XYLB: variants seen among roughly 807,000 people sequenced by gnomAD.
The protein encoded by XYLB is xylulokinase.
A neutral mutation model predicts 78.7 loss-of-function variants in XYLB; 62 were observed. The observed-to-expected ratio is 0.79, with a 90% CI of 0.64 to 0.97. The LOEUF is 0.97. Among genes scored for constraint, XYLB ranks in the 50% least tolerant of loss-of-function variants. The pLI is 0.00. For synonymous variants in XYLB, 245 were observed against 247.4 expected, an observed-to-expected ratio of 0.99 and a Z score of 0.09; for missense variants, 687 against 676.8, an observed-to-expected ratio of 1.02 and a Z score of -0.17.
At position 38,374,466 on chromosome 3, in the gene XYLB, G is replaced by T. The variant is rs376159567; in HGVS notation, c.852G>T (p.Ser284=). 1 of 1,614,052 alleles carries T rather than the reference G, an allele frequency of 6.2e-7. No individual in the cohort carries two copies. Among genetic ancestry groups the T allele is most frequent in the African/African-American group, 1.3e-5 (1 of 75,042 alleles). Residue 284 remains serine, a synonymous_variant, in exon 11 of 19, where the codon TCG becomes TCT. Coordinates refer to ENST00000207870, the MANE Select transcript of XYLB (RefSeq NM_005108.4). ...AAGCTCCCCTCCCATTCTCAGCGTC[G>T]CTGGCAGGCATGAGACTGGAGGAAG... ...VVAFTGDNPA[S]LAGMRLEEGD...
the XYLB span, among the ~76,000 whole-genome samples, chr3:38,427,951 T>G: frequency 2.0e-5 from 3 of 152,232 alleles, no homozygotes; most frequent in Non-Finnish European, 4.4e-5. Context: ...CATTTCCTCT[T>G]TACTAACATA....
intron 18 of XYLB, among the ~76,000 whole-genome samples, chr3:38,405,318 C>G (rs1309727347): frequency 2.0e-5 from 3 of 147,240 alleles, no homozygotes. Flanking sequence ...GGGAGGATCA[C>G]TTGAGGCCAG....
At chr3:38,440,212 A>G in the XYLB span, among the ~76,000 whole-genome samples, 1 of 152,240 alleles carries the variant, frequency 6.6e-6, no homozygotes, top group Non-Finnish European at 1.5e-5. Context: ...AATACATGTT[A>G]CACTGTTAAC....
intron 2 of XYLB, chr3:38,355,707 C>A (rs1705609067): frequency 2.8e-6 from 2 of 703,200 alleles, no homozygotes; most frequent in Non-Finnish European, 5.2e-6. Flanking sequence ...CCTTCTCTGA[C>A]TTTTCTCCCA....
At chr3:38,355,930 ATT>A (rs1705622290) in intron 2 of XYLB, 1 of 610,940 alleles carries the variant, frequency 1.6e-6, no homozygotes, top group Admixed American at 2.8e-5. Context: ...AACTAATATA[ATT>A]TTTTCCCTCA....
At chr3:38,419,604 A>ATATATATATATATTTATC (rs1559628830), downstream of XYLB, among the ~76,000 whole-genome samples, 1 of 107,286 alleles carries the variant, frequency 9.3e-6, no homozygotes, top group African/African-American at 3.1e-5. Flanking sequence ...ATATATATAT[A>ATATATATATATATTTATC]ATAGCCATCG....
intron 4 of XYLB, among the ~76,000 whole-genome samples, chr3:38,364,069 C>A (rs1456268784): frequency 6.6e-6 from 1 of 152,092 alleles, no homozygotes; most frequent in Non-Finnish European, 1.5e-5. Context: ...TAATCCCCGA[C>A]CCCCATGGCT....
At chr3:38,381,492 A>C (rs1707143227) in intron 15 of XYLB, among the ~76,000 whole-genome samples, 1 of 152,244 alleles carries the variant, frequency 6.6e-6, no homozygotes, top group South Asian at 2.1e-4. Flanking sequence ...GATAACCTTA[A>C]ACTCTGACTG....
chr3:38,398,207 T>C (rs1461457126), intron 17 of XYLB, among the ~76,000 whole-genome samples: 2 of 151,814 alleles, frequency 1.3e-5, no homozygotes, highest in Non-Finnish European at 2.9e-5. Flanking sequence ...TGGTGGCTCA[T>C]GCCTGTAATT....
chr3:38,348,008 C>T (rs1157966772), intron 1 of XYLB, among the ~76,000 whole-genome samples: 1 of 152,226 alleles, frequency 6.6e-6, no homozygotes, highest in Non-Finnish European at 1.5e-5. Flanking sequence ...ACTCGAGTTG[C>T]CTTGCTGGAC....
intron 15 of XYLB, among the ~76,000 whole-genome samples, chr3:38,392,006 C>T (rs1435196186): frequency 6.6e-6 from 1 of 152,156 alleles, no homozygotes; most frequent in Non-Finnish European, 1.5e-5. Context: ...CCCATGCACC[C>T]TCCCCAGCTA....
the XYLB span, among the ~76,000 whole-genome samples, chr3:38,442,252 T>C: frequency 8.5e-5 from 13 of 152,204 alleles, no homozygotes; most frequent in Admixed American, 4.6e-4. Context: ...TTAAATGCTT[T>C]GTACCCTTGA....
the XYLB span, among the ~76,000 whole-genome samples, chr3:38,445,812 T>C: frequency 3.9e-5 from 6 of 152,230 alleles, no homozygotes; most frequent in Admixed American, 3.9e-4. Context: ...CACTTTTAAC[T>C]GGCTGACAGG....
chr3:38,395,042 A>G (rs1024520850), intron 15 of XYLB, among the ~76,000 whole-genome samples: 2 of 152,082 alleles, frequency 1.3e-5, no homozygotes, highest in African/African-American at 4.8e-5. Flanking sequence ...ACAAGGTTCT[A>G]TTGGGTATAC....
chr3:38,432,802 T>A, the XYLB span, among the ~76,000 whole-genome samples: 3 of 152,252 alleles, frequency 2.0e-5, no homozygotes, highest in Non-Finnish European at 2.9e-5. Flanking sequence ...GCTCCACCTC[T>A]GTGGCTTTGC....
chr3:38,386,199 T>C (rs1225925270), intron 15 of XYLB, among the ~76,000 whole-genome samples: 1 of 152,164 alleles, frequency 6.6e-6, no homozygotes, highest in Non-Finnish European at 1.5e-5. Context: ...CCATTTTGGC[T>C]TCTCTGCTTA....
At chr3:38,356,792 A>G (rs182799492) in intron 2 of XYLB, 1 of 152,174 alleles carries the variant, frequency 6.6e-6, no homozygotes, top group Admixed American at 6.5e-5. Context: ...TGCTATTGTG[A>G]GTTATTCTGC....
chr3:38,377,047 T>TA, intron 14 of XYLB, 56 bp downstream of exon 14: 3 of 1,434,032 alleles, frequency 2.1e-6, no homozygotes, highest in Non-Finnish European at 2.9e-6. Flanking sequence ...GTGTAAAATT[T>TA]AACAATTGCC....
the XYLB span, among the ~76,000 whole-genome samples, chr3:38,436,300 A>G: frequency 2.6e-5 from 4 of 152,172 alleles, no homozygotes; most frequent in South Asian, 2.1e-4. Context: ...ACAATTATAC[A>G]TAGACAAACT....
Sources: gnomAD v4.1 joint callset for allele counts (sites outside exome capture counted in the v4.1 genomes callset) on GRCh38, gnomAD v4.1.1 for gene constraint, MANE v1.5 for transcripts, NCBI Gene and HGNC (gene_info 2026-07-23, HGNC 2026-07-21) for gene names.